Variants in FRMD6 observed in about 807,000 individuals in gnomAD.
FRMD6 encodes FERM domain-containing protein 6.
FRMD6 carries 37 observed loss-of-function variants against 73.2 expected under a neutral mutation model. The observed-to-expected ratio is 0.51, with a 90% CI of 0.39 to 0.66. The LOEUF is 0.66. FRMD6 is among the 30% of genes least tolerant of loss of function. FRMD6 has a pLI of 0.00. For synonymous variants in FRMD6, 273 were observed against 282.2 expected (o/e 0.97, Z 0.33); for missense variants, 714 against 780.5 (o/e 0.91, Z 1.02).
chr14:51,534,097 A>G (rs1017718615), intron 1 of FRMD6, among the ~76,000 whole-genome samples: 4 of 152,136 alleles, frequency 2.6e-5, no homozygotes, highest in African/African-American at 7.2e-5. Context: ...AGTCAAGTCT[A>G]TGGAGGGTGG....
intron 1 of FRMD6, among the ~76,000 whole-genome samples, chr14:51,669,653 C>T (rs1393174588): frequency 1.3e-5 from 2 of 152,008 alleles, no homozygotes; most frequent in East Asian, 1.9e-4. Flanking sequence ...ATTTGTATAT[C>T]TTTGGTGAAG....
the FRMD6 span, among the ~76,000 whole-genome samples, chr14:51,472,589 C>T: frequency 6.6e-6 from 1 of 152,270 alleles, no homozygotes; most frequent in East Asian, 1.9e-4. Context: ...AGGTGTGAGC[C>T]TCCGCACCCA....
intron 2 of FRMD6, among the ~76,000 whole-genome samples, chr14:51,631,589 C>A (rs1019756313): frequency 2.0e-5 from 3 of 152,172 alleles, no homozygotes. Flanking sequence ...GAATAATATG[C>A]TGTGAAATCA....
At chr14:51,662,960 A>G (rs1031455377) in intron 1 of FRMD6, among the ~76,000 whole-genome samples, 3 of 152,216 alleles carry the variant, frequency 2.0e-5, no homozygotes, top group Non-Finnish European at 4.4e-5. Flanking sequence ...AATGTGGGCA[A>G]ATGACATGAA....
intron 7 of FRMD6, among the ~76,000 whole-genome samples, chr14:51,711,217 C>G (rs1380162624): frequency 3.3e-5 from 5 of 152,094 alleles, no homozygotes; most frequent in Non-Finnish European, 5.9e-5. Flanking sequence ...GCCTTGTTAA[C>G]TGGAGTTGTC....
intron 1 of FRMD6, among the ~76,000 whole-genome samples, chr14:51,561,426 G>A (rs1685449485): frequency 6.6e-6 from 1 of 152,202 alleles, no homozygotes; most frequent in African/African-American, 2.4e-5. Flanking sequence ...GCAGCCTGCT[G>A]TGGCTAAGCA....
At chr14:51,421,143 A>G in the FRMD6 span, among the ~76,000 whole-genome samples, 1,969 of 152,240 alleles carry the variant, frequency 0.013, 42 homozygotes, top group African/African-American at 0.045. Flanking sequence ...CCAATCCCCT[A>G]CAGATACTGA....
the FRMD6 span, among the ~76,000 whole-genome samples, chr14:51,456,873 T>C: frequency 2.6e-5 from 4 of 152,128 alleles, no homozygotes; most frequent in Admixed American, 2.6e-4. Context: ...TGGAGGACAT[T>C]AAGTAAAATA....
At position 51,708,176 on chromosome 14, in the gene FRMD6, T is replaced by C. The variant is rs950593947; in HGVS notation, c.657T>C (p.Tyr219=). The C allele has an allele frequency of 1.2e-5, 20 of 1,613,180 alleles. No homozygotes were observed. The Admixed American group carries it at 1.5e-4, about 12-fold the overall frequency. Residue 219 remains tyrosine, a synonymous_variant, in exon 7 of 14, where the codon TAT becomes TAC. Transcript: ENST00000344768. ...ALTASEAHLK[Y]IKEAVRLDDV... ...CAGCTTCCGAAGCTCATCTTAAATA[T>C]ATCAAAGAGGCTGTCCGACTGGATG...
chr14:51,581,731 T>C (rs1888737218), intron 2 of FRMD6, among the ~76,000 whole-genome samples: 1 of 152,230 alleles, frequency 6.6e-6, no homozygotes, highest in African/African-American at 2.4e-5. Context: ...TTCTACCATG[T>C]TTCCAGGATT....
intron 1 of FRMD6, among the ~76,000 whole-genome samples, chr14:51,546,469 C>G (rs1010597841): frequency 4.9e-5 from 7 of 143,970 alleles, no homozygotes; most frequent in Non-Finnish European, 7.5e-5. Flanking sequence ...GCTTTGGCCA[C>G]ACATCTGATG....
intron 1 of FRMD6, among the ~76,000 whole-genome samples, chr14:51,506,269 T>C (rs1254426526): frequency 6.6e-6 from 1 of 152,212 alleles, no homozygotes; most frequent in Non-Finnish European, 1.5e-5. Context: ...AAGCTCTCTC[T>C]AGCTTCCCCA....
chr14:51,429,935 C>T, the FRMD6 span, among the ~76,000 whole-genome samples: 7 of 152,144 alleles, frequency 4.6e-5, no homozygotes, highest in Non-Finnish European at 1.0e-4. Flanking sequence ...TTTATACCCA[C>T]CACCTTGGGG....
At chr14:51,642,394 G>A (rs1891853360) in intron 2 of FRMD6, among the ~76,000 whole-genome samples, 1 of 152,124 alleles carries the variant, frequency 6.6e-6, no homozygotes, top group South Asian at 2.1e-4. Flanking sequence ...AGAAAAATTA[G>A]TCAGGTGTGG....
chr14:51,686,903 T>A (rs1174489864), intron 1 of FRMD6, among the ~76,000 whole-genome samples: 1 of 152,200 alleles, frequency 6.6e-6, no homozygotes, highest in African/African-American at 2.4e-5. Flanking sequence ...TATTTTGCCA[T>A]TTCATTGGAG....
At chr14:51,719,576 A>G (rs1897417475) in intron 10 of FRMD6, among the ~76,000 whole-genome samples, 2 of 152,270 alleles carry the variant, frequency 1.3e-5, no homozygotes, top group Admixed American at 6.5e-5. Context: ...GTATTTATTA[A>G]GTAGTCTTCT....
chr14:51,704,380 A>G (rs1285293856), intron 5 of FRMD6, among the ~76,000 whole-genome samples: 1 of 152,192 alleles, frequency 6.6e-6, no homozygotes, highest in Non-Finnish European at 1.5e-5. Flanking sequence ...GTGTAGCATC[A>G]TTGTAGCAAC....
chr14:51,566,629 C>T (rs757488366), intron 1 of FRMD6, among the ~76,000 whole-genome samples: 1 of 152,152 alleles, frequency 6.6e-6, no homozygotes, highest in Non-Finnish European at 1.5e-5. Flanking sequence ...CCAGGCAATC[C>T]ACCATCCTCG....
At position 51,628,544 on chromosome 14, in the gene FRMD6, T is replaced by C. The variant is rs116350028; in HGVS notation, c.-147+58134T>C. Among the ~76,000 whole-genome samples the C allele has an allele frequency of 1.5e-3, 229 of 152,008 alleles. 3 individuals carry two copies. Among genetic ancestry groups the C allele is most frequent in the African/African-American group, 5.3e-3 (221 of 41,496 alleles). On this transcript the variant is annotated intron_variant, in intron 2 of 14. Transcript: ENST00000356218. ...AATGGCTTGGATGTGATGGCTCACG[T>C]CTATAATCCTGTAATCCCAGCACTT...
Sources: allele counts gnomAD v4.1 joint callset (sites outside exome capture counted in the v4.1 genomes callset), GRCh38; gene constraint gnomAD v4.1.1; transcripts MANE v1.5; gene names NCBI Gene and HGNC (gene_info 2026-07-23, HGNC 2026-07-21).